Variants in ZDHHC17 observed in about 807,000 individuals in gnomAD.
The protein encoded by ZDHHC17 is zDHHC palmitoyltransferase 17.
ZDHHC17 carries 40 observed loss-of-function variants against 90.3 expected under a neutral mutation model. That is an observed-to-expected ratio of 0.44 (90% confidence interval 0.34 to 0.58). The LOEUF is 0.58. Among genes scored for constraint, ZDHHC17 ranks in the 20% least tolerant of loss-of-function variants. The pLI is 0.01. For missense variants in ZDHHC17, 614 were observed against 780.8 expected (o/e 0.79, Z 2.55); for synonymous variants, 235 against 252.4 (o/e 0.93, Z 0.65).
intron 1 of ZDHHC17, among the ~76,000 whole-genome samples, chr12:76,796,048 AGATT>A (rs1952815788): frequency 6.6e-6 from 1 of 152,186 alleles, no homozygotes; most frequent in Admixed American, 6.5e-5. Context: ...GAAAATATTC[AGATT>A]GATAGTCTTC....
intron 1 of ZDHHC17, among the ~76,000 whole-genome samples, chr12:76,777,822 G>A (rs905605950): frequency 6.6e-6 from 1 of 152,186 alleles, no homozygotes; most frequent in African/African-American, 2.4e-5. Flanking sequence ...AACTGAGTTA[G>A]GTTTGTGCGT....
chr12:76,816,460 C>T (rs1953088169), intron 7 of ZDHHC17, among the ~76,000 whole-genome samples: 1 of 152,050 alleles, frequency 6.6e-6, no homozygotes, highest in African/African-American at 2.4e-5. Context: ...CCATGTCTTT[C>T]AGCAACGAAC....
chr12:76,841,021 T>G (rs1308359118), intron 10 of ZDHHC17: 1 of 152,112 alleles, frequency 6.6e-6, no homozygotes, highest in Non-Finnish European at 1.5e-5. Flanking sequence ...TACCGGTATA[T>G]TTTGTGGAAT....
At chr12:76,832,914 G>A (rs1245818151) in intron 10 of ZDHHC17, among the ~76,000 whole-genome samples, 1 of 152,142 alleles carries the variant, frequency 6.6e-6, no homozygotes, top group Non-Finnish European at 1.5e-5. Flanking sequence ...TCACTGTTTT[G>A]TTCATGCCCG....
At position 76,848,351 on chromosome 12, in the gene ZDHHC17, C is replaced by T; in HGVS notation, c.1626C>T (p.Phe542=). 1 of 1,613,912 alleles carries T rather than the reference C, an allele frequency of 6.2e-7. No individual in the cohort carries two copies. The change falls in exon 15 of 17, where the codon TTC becomes TTT. Residue 542 remains phenylalanine, a synonymous_variant. Transcript: ENST00000426126. ...FWMFLNSVFH[F]MWVAVLLMCQ... is the part of the protein sequence containing the mutation. ...TGTTCCTGAACAGTGTTTTCCACTTCATGTGGGTGGCTGTATTACTCATGT... is the reference window on the plus strand; with the variant it reads ...TGTTCCTGAACAGTGTTTTCCACTTTATGTGGGTGGCTGTATTACTCATGT...
In ZDHHC17 at chr12:76,851,207, T is replaced by A. The variant is rs1369310808; in HGVS notation, c.*222T>A. On this transcript the variant is annotated 3_prime_UTR_variant, in exon 17 of 17. Transcript: ENST00000426126. ...AAGAGTAAAGATGATAAAAAATAAT[T>A]TTAATGGTTCTTAATGTGGAAATTC... The A allele has an allele frequency of 2.0e-6, 1 of 499,984 alleles. No individual in the cohort carries two copies. The highest frequency in any genetic ancestry group is 2.0e-5 in the African/African-American group (1 of 49,568). 31.0% of individuals were successfully genotyped at this position (499,984 alleles called of 1,614,324 possible). A position where few individuals can be genotyped will look rare whatever the true frequency, so the allele number is the denominator to read the frequency against.
At chr12:76,828,572 C>A in intron 10 of ZDHHC17, 82 bp downstream of exon 10, 1 of 1,150,600 alleles carries the variant, frequency 8.7e-7, no homozygotes, top group Non-Finnish European at 1.3e-6. Flanking sequence ...GACATTAGGA[C>A]TGATCTACTC....
chr12:76,791,998 T>C (rs1952764799), intron 1 of ZDHHC17, among the ~76,000 whole-genome samples: 1 of 152,182 alleles, frequency 6.6e-6, no homozygotes, highest in Non-Finnish European at 1.5e-5. Flanking sequence ...AGAACCTTAA[T>C]GTCTCCACCA....
chr12:76,832,716 C>T (rs989529872), intron 10 of ZDHHC17, among the ~76,000 whole-genome samples: 8 of 151,906 alleles, frequency 5.3e-5, no homozygotes, highest in African/African-American at 1.2e-4. Context: ...TGCTTAAGAG[C>T]GTGATAGCAC....
chr12:76,809,491 A>G (rs1952995005), intron 4 of ZDHHC17, among the ~76,000 whole-genome samples: 1 of 152,144 alleles, frequency 6.6e-6, no homozygotes, highest in Admixed American at 6.5e-5. Context: ...TATATATTTA[A>G]ATAAGTTATG....
At chr12:76,771,107 T>C (rs1202822236) in intron 1 of ZDHHC17, among the ~76,000 whole-genome samples, 1 of 152,150 alleles carries the variant, frequency 6.6e-6, no homozygotes, top group African/African-American at 2.4e-5. Flanking sequence ...TAAAATCAAA[T>C]ATTTTAATTT....
chr12:76,818,578 T>C (rs952709865), intron 7 of ZDHHC17, among the ~76,000 whole-genome samples: 1 of 152,178 alleles, frequency 6.6e-6, no homozygotes, highest in African/African-American at 2.4e-5. Flanking sequence ...GACATTTGCT[T>C]TCAGAATTAC....
At chr12:76,808,986 A>G in intron 3 of ZDHHC17, 57 bp from the exon 4 acceptor site, 1 of 1,206,072 alleles carries the variant, frequency 8.3e-7, no homozygotes. Flanking sequence ...TTTTTCACAA[A>G]ATTTCTTAAA....
intron 12 of ZDHHC17, among the ~76,000 whole-genome samples, chr12:76,843,429 T>G (rs964427860): frequency 2.6e-5 from 4 of 152,112 alleles, no homozygotes; most frequent in East Asian, 1.9e-4. Context: ...TAGGTGGTTT[T>G]TTTTGTTTTG....
chr12:76,853,169 C>T lies in ZDHHC17; in HGVS notation c.*2184C>T, dbSNP rs1256400539. ...TGTGTAATTACATGGAAAATACTAGCAATGTGAATGCTTTTGTAGTAACCA... is the reference window on the plus strand; with the variant it reads ...TGTGTAATTACATGGAAAATACTAGTAATGTGAATGCTTTTGTAGTAACCA... On this transcript the variant is annotated 3_prime_UTR_variant, in exon 17 of 17. Coordinates refer to ENST00000426126, the MANE Select transcript of ZDHHC17 (RefSeq NM_015336.4). 6.6e-6 allele frequency: 1 copy of T among 152,076 alleles called. No individual in the cohort carries two copies. 9.4% of individuals were successfully genotyped at this position (152,076 alleles called of 1,614,324 possible). A position where few individuals can be genotyped will look rare whatever the true frequency, so the allele number is the denominator to read the frequency against.
At chr12:76,772,714 T>TC (rs1565756863) in intron 1 of ZDHHC17, among the ~76,000 whole-genome samples, 1 of 151,214 alleles carries the variant, frequency 6.6e-6, no homozygotes, top group Non-Finnish European at 1.5e-5. Flanking sequence ...TTTGTATTTT[T>TC]TTTTTTTTTT....
intron 10 of ZDHHC17, among the ~76,000 whole-genome samples, chr12:76,830,623 C>G (rs1953288645): frequency 6.6e-6 from 1 of 152,126 alleles, no homozygotes; most frequent in African/African-American, 2.4e-5. Flanking sequence ...ATTACCTCAT[C>G]TATTTTAAGC....
chr12:76,802,990 AC>A (rs1952910071), intron 2 of ZDHHC17, among the ~76,000 whole-genome samples: 2 of 152,060 alleles, frequency 1.3e-5, no homozygotes, highest in Non-Finnish European at 2.9e-5. Context: ...AGTGGCTGAC[AC>A]CTGTAATCCC....
At chr12:76,808,913 AT>A (rs1952987354) in intron 3 of ZDHHC17, 129 bp from the exon 4 acceptor site, 2 of 469,980 alleles carry the variant, frequency 4.3e-6, no homozygotes, top group African/African-American at 4.1e-5. Flanking sequence ...ACCACAAAAG[AT>A]TATTTATTTT....
Sources: gnomAD v4.1 joint callset for allele counts (sites outside exome capture counted in the v4.1 genomes callset) on GRCh38, gnomAD v4.1.1 for gene constraint, MANE v1.5 for transcripts, NCBI Gene and HGNC (gene_info 2026-07-23, HGNC 2026-07-21) for gene names.